The following NRG3 variants were observed in gnomAD, a reference collection of about 807,000 sequenced individuals.
NRG3 encodes the protein pro-neuregulin-3, membrane-bound isoform.
Under a neutral mutation model 66.9 loss-of-function variants are expected in NRG3, and 31 were observed. The ratio of observed to expected loss-of-function variants is 0.46; its 90% CI spans 0.35 to 0.63. The LOEUF is 0.63. NRG3 is among the 20% of genes least tolerant of loss of function. NRG3 has a pLI of 0.00. For missense variants in NRG3, 910 were observed against 878.9 expected (o/e 1.04, Z -0.45); for synonymous variants, 393 against 359.4 (o/e 1.09, Z -1.06).
At chr10:82,395,249 A>C (rs2086644365) in intron 2 of NRG3, among the ~76,000 whole-genome samples, 1 of 152,134 alleles carries the variant, frequency 6.6e-6, no homozygotes, top group Non-Finnish European at 1.5e-5. Context: ...GGTCACTGAT[A>C]TATCAAGCTT....
chr10:82,551,341 T>C (rs2044292529), intron 2 of NRG3, among the ~76,000 whole-genome samples: 1 of 152,142 alleles, frequency 6.6e-6, no homozygotes, highest in Admixed American at 6.6e-5. Flanking sequence ...AAAAAAAATC[T>C]CCTGACATTT....
intron 1 of NRG3, among the ~76,000 whole-genome samples, chr10:82,335,331 G>A (rs2082335604): frequency 6.6e-6 from 1 of 152,090 alleles, no homozygotes; most frequent in Admixed American, 6.5e-5. Context: ...CTTTATTTTG[G>A]GGGATCTAGG....
At chr10:81,923,781 A>AC (rs1345782367) in intron 1 of NRG3, among the ~76,000 whole-genome samples, 1 of 152,154 alleles carries the variant, frequency 6.6e-6, no homozygotes, top group African/African-American at 2.4e-5. Flanking sequence ...TGTTTTGTTC[A>AC]GACTGTGGTA....
At chr10:82,313,153 A>G (rs968662197) in intron 1 of NRG3, among the ~76,000 whole-genome samples, 2 of 151,906 alleles carry the variant, frequency 1.3e-5, no homozygotes, top group Admixed American at 6.6e-5. Flanking sequence ...ACTCTACCTG[A>G]CAGAGCGAGA....
At chr10:82,742,338 C>T (rs978672625) in intron 3 of NRG3, among the ~76,000 whole-genome samples, 62 of 152,202 alleles carry the variant, frequency 4.1e-4, no homozygotes, top group African/African-American at 1.5e-3. Context: ...AGTGTCTTAG[C>T]AGTGGTTCAG....
chr10:82,278,164 A>G (rs908399656), intron 1 of NRG3, among the ~76,000 whole-genome samples: 1 of 152,140 alleles, frequency 6.6e-6, no homozygotes, highest in African/African-American at 2.4e-5. Flanking sequence ...CACTAAAATT[A>G]GCTAAACCTC....
At chr10:82,349,903 A>G (rs1249704299) in intron 1 of NRG3, among the ~76,000 whole-genome samples, 4 of 152,198 alleles carry the variant, frequency 2.6e-5, no homozygotes, top group Admixed American at 2.0e-4. Flanking sequence ...AAGTGAGGCA[A>G]TGCCTCGCCC....
chr10:82,889,297 G>A (rs1842962087), intron 4 of NRG3, among the ~76,000 whole-genome samples: 1 of 152,052 alleles, frequency 6.6e-6, no homozygotes, highest in African/African-American at 2.4e-5. Context: ...TGTTGAAAGA[G>A]CGGATACCGG....
intron 2 of NRG3, among the ~76,000 whole-genome samples, chr10:82,710,652 T>C (rs143979769): frequency 0.011 from 1,595 of 151,426 alleles, 30 homozygotes; most frequent in African/African-American, 0.037. Flanking sequence ...TGCTATCTGA[T>C]TTTAATTTCA....
At chr10:81,950,919 T>A (rs1849291284) in intron 1 of NRG3, among the ~76,000 whole-genome samples, 1 of 152,152 alleles carries the variant, frequency 6.6e-6, no homozygotes, top group Admixed American at 6.6e-5. Context: ...AAAACCTTTG[T>A]GTTTGAATTT....
At chr10:82,954,003 G>T (rs577169063) in intron 5 of NRG3, among the ~76,000 whole-genome samples, 39 of 151,166 alleles carry the variant, frequency 2.6e-4, no homozygotes, top group Non-Finnish European at 4.4e-4. Context: ...GCATAGCAAA[G>T]TGTTTAAAAG....
At chr10:81,905,161 A>G (rs1421229806) in intron 1 of NRG3, among the ~76,000 whole-genome samples, 2 of 152,230 alleles carry the variant, frequency 1.3e-5, no homozygotes, top group Non-Finnish European at 2.9e-5. Flanking sequence ...TCATGAGTCC[A>G]CATTTGCCTT....
intron 2 of NRG3, among the ~76,000 whole-genome samples, chr10:82,685,325 A>G (rs1454339300): frequency 6.6e-6 from 1 of 152,178 alleles, no homozygotes; most frequent in Non-Finnish European, 1.5e-5. Flanking sequence ...CTGCAGTTGG[A>G]AGGAAGGAAA....
At chr10:82,573,432 G>A (rs1004802709) in intron 2 of NRG3, among the ~76,000 whole-genome samples, 2 of 151,766 alleles carry the variant, frequency 1.3e-5, no homozygotes, top group Non-Finnish European at 2.9e-5. Context: ...TTTGGCACCT[G>A]TGCTGTAAAT....
intron 3 of NRG3, among the ~76,000 whole-genome samples, chr10:82,855,763 A>T (rs1005426869): frequency 6.6e-6 from 1 of 152,096 alleles, no homozygotes; most frequent in Non-Finnish European, 1.5e-5. Context: ...AAAACCCAGA[A>T]CATGTGGCAG....
chr10:82,775,412 A>C (rs936970716), intron 3 of NRG3, among the ~76,000 whole-genome samples: 2 of 151,778 alleles, frequency 1.3e-5, no homozygotes, highest in African/African-American at 4.8e-5. Context: ...ATATTTGTGA[A>C]TTTACCAAGA....
intron 2 of NRG3, among the ~76,000 whole-genome samples, chr10:82,631,280 G>A (rs1246702670): frequency 6.6e-6 from 1 of 152,016 alleles, no homozygotes. Flanking sequence ...CAAATTCCCC[G>A]GATGAGGGAG....
chr10:82,783,634 G>A (rs1591512432), intron 3 of NRG3, among the ~76,000 whole-genome samples: 1 of 151,952 alleles, frequency 6.6e-6, no homozygotes, highest in African/African-American at 2.4e-5. Flanking sequence ...AAAATACCTA[G>A]GAATCCAACT....
At chr10:82,280,978 T>G (rs2079091697) in intron 1 of NRG3, among the ~76,000 whole-genome samples, 1 of 152,174 alleles carries the variant, frequency 6.6e-6, no homozygotes, top group African/African-American at 2.4e-5. Context: ...TGGTGTTATC[T>G]CATAATTGTA....
Sources: allele counts gnomAD v4.1 joint callset (sites outside exome capture counted in the v4.1 genomes callset), GRCh38; gene constraint gnomAD v4.1.1; transcripts MANE v1.5; gene names NCBI Gene and HGNC (gene_info 2026-07-23, HGNC 2026-07-21).